Variants in COMMD1 observed in about 807,000 individuals in gnomAD.
COMMD1 encodes the protein copper metabolism domain containing 1.
A neutral mutation model predicts 17.2 loss-of-function variants in COMMD1; 10 were observed. The observed-to-expected ratio is 0.58, with a 90% CI of 0.36 to 0.99. The LOEUF is 0.99. COMMD1 is among the 50% of genes least tolerant of loss of function. The pLI is 0.01. For missense variants in COMMD1, 270 were observed against 231.8 expected (o/e 1.17, Z -1.07); for synonymous variants, 97 against 91.6 (o/e 1.06, Z -0.34).
At chr2:62,114,853 G>A (rs1274901011) in intron 2 of COMMD1, among the ~76,000 whole-genome samples, 2 of 152,186 alleles carry the variant, frequency 1.3e-5, no homozygotes, top group African/African-American at 2.4e-5. Context: ...TAGGAAGATC[G>A]AGGAAGCAGG....
At chr2:62,033,939 A>G (rs112534133) in intron 2 of COMMD1, among the ~76,000 whole-genome samples, 277 of 152,002 alleles carry the variant, frequency 1.8e-3, no homozygotes, top group Non-Finnish European at 3.3e-3. Context: ...GGGAGACCCC[A>G]TTTCTACAAA....
At chr2:61,933,954 G>A (rs1330622570) in intron 1 of COMMD1, among the ~76,000 whole-genome samples, 1 of 151,870 alleles carries the variant, frequency 6.6e-6, no homozygotes, top group Non-Finnish European at 1.5e-5. Flanking sequence ...TAGTAGAGAT[G>A]GGGTTTCTCC....
chr2:62,070,867 C>T (rs1043268944), intron 2 of COMMD1, among the ~76,000 whole-genome samples: 2 of 151,960 alleles, frequency 1.3e-5, no homozygotes, highest in African/African-American at 4.8e-5. Flanking sequence ...CTGTCTCTAC[C>T]AAAAATACAA....
In COMMD1 at chr2:61,927,817, C is replaced by G. The variant is rs796206957; in HGVS notation, c.180+21959C>G. On this transcript the variant is annotated intron_variant, in intron 1 of 2. Coordinates refer to ENST00000311832, the MANE Select transcript of COMMD1 (RefSeq NM_152516.4). Reference sequence around the variant, plus strand: ...TGAGACTGAGTTTCACTCTTGTTGCCCAGGCTGGAGTGCAATGGCTCACTG... The same window carrying G: ...TGAGACTGAGTTTCACTCTTGTTGCGCAGGCTGGAGTGCAATGGCTCACTG... Among the ~76,000 whole-genome samples, 5 of 152,028 alleles carry G rather than the reference C, an allele frequency of 3.3e-5. No homozygotes were observed. The South Asian group carries it at 6.2e-4, about 19-fold the overall frequency.
At chr2:62,022,259 A>T (rs1014013363) in intron 2 of COMMD1, among the ~76,000 whole-genome samples, 1 of 151,890 alleles carries the variant, frequency 6.6e-6, no homozygotes, top group African/African-American at 2.4e-5. Flanking sequence ...AGGTTTTAGG[A>T]GATTTTCTAT....
At chr2:61,966,455 A>G (rs1313397108) in intron 1 of COMMD1, among the ~76,000 whole-genome samples, 5 of 152,174 alleles carry the variant, frequency 3.3e-5, no homozygotes. Flanking sequence ...GTAATACCCA[A>G]TTGAAACACT....
At chr2:62,024,225 G>GT (rs940906004) in intron 2 of COMMD1, among the ~76,000 whole-genome samples, 3 of 151,980 alleles carry the variant, frequency 2.0e-5, no homozygotes, top group Non-Finnish European at 2.9e-5. Context: ...TTTTGTTTTT[G>GT]TTTTTTGTGG....
intron 2 of COMMD1, among the ~76,000 whole-genome samples, chr2:62,092,953 GTTCCA>G (rs951134238): frequency 3.3e-5 from 5 of 152,182 alleles, no homozygotes; most frequent in Non-Finnish European, 7.3e-5. Context: ...CTATTTGTCC[GTTCCA>G]CCAACCCAGA....
chr2:61,999,655 C>T (rs1161105290), intron 1 of COMMD1, among the ~76,000 whole-genome samples: 2 of 152,060 alleles, frequency 1.3e-5, no homozygotes, highest in Non-Finnish European at 2.9e-5. Context: ...ACTCGAACTC[C>T]TGGGCTCCAG....
intron 1 of COMMD1, among the ~76,000 whole-genome samples, chr2:61,999,474 G>A (rs961505864): frequency 1.3e-5 from 2 of 152,174 alleles, no homozygotes; most frequent in African/African-American, 4.8e-5. Flanking sequence ...TTTACTTAGT[G>A]CATCACATGG....
intron 1 of COMMD1, among the ~76,000 whole-genome samples, chr2:61,957,928 G>A (rs1671238690): frequency 6.6e-6 from 1 of 152,146 alleles, no homozygotes; most frequent in South Asian, 2.1e-4. Flanking sequence ...AGTGCCTACA[G>A]TGTGCTTAGT....
chr2:62,089,432 C>T lies in COMMD1; in HGVS notation c.463-46399C>T, dbSNP rs527335418. On this transcript the variant is annotated intron_variant, in intron 2 of 2. Transcript: ENST00000311832. The stretch of plus-strand genomic sequence containing the variant: ...TCCCGAGTAGCTGGGATTACAAGCG[C>T]GCTACCACATCCGGCTAATTTTTGT... Among the ~76,000 whole-genome samples, 11 of 151,896 alleles carry T rather than the reference C, an allele frequency of 7.2e-5. No individual in the cohort carries two copies. In the East Asian group the frequency reaches 1.5e-3, roughly 21 times the overall value.
chr2:62,044,591 C>T (rs1396822564), intron 2 of COMMD1, among the ~76,000 whole-genome samples: 2 of 152,134 alleles, frequency 1.3e-5, no homozygotes, highest in African/African-American at 4.8e-5. Context: ...TTATAAGTAG[C>T]TTATTTGTCT....
intron 2 of COMMD1, among the ~76,000 whole-genome samples, chr2:62,019,131 C>CCCTCCCTCCCTT (rs1243418392): frequency 3.3e-5 from 3 of 91,870 alleles, no homozygotes; most frequent in African/African-American, 1.4e-4. Flanking sequence ...CTCCCTCCCT[C>CCCTCCCTCCCTT]CCTTCCTTCC....
chr2:61,968,490 G>T (rs1671563062), intron 1 of COMMD1, among the ~76,000 whole-genome samples: 1 of 151,282 alleles, frequency 6.6e-6, no homozygotes, highest in Non-Finnish European at 1.5e-5. Context: ...AAGGTGAAAA[G>T]AAAGGACAAA....
At chr2:62,028,400 A>T (rs4671414) in intron 2 of COMMD1, among the ~76,000 whole-genome samples, 92,197 of 151,384 alleles carry the variant, frequency 0.61, 29,226 homozygotes, top group Middle Eastern at 0.74. Flanking sequence ...ATTATTTTTT[A>T]AAAAAATAGT....
At chr2:61,947,437 C>T (rs186559207) in intron 1 of COMMD1, among the ~76,000 whole-genome samples, 1,758 of 152,086 alleles carry the variant, frequency 0.012, 11 homozygotes, top group Middle Eastern at 0.037. Flanking sequence ...AATCCCAGCA[C>T]TTTGGGAGGC....
intron 2 of COMMD1, among the ~76,000 whole-genome samples, chr2:62,060,881 C>T (rs1316772109): frequency 6.6e-6 from 1 of 152,078 alleles, no homozygotes; most frequent in Admixed American, 6.6e-5. Flanking sequence ...ATATGTTTCT[C>T]AGGCTCTGTT....
At chr2:62,089,115 T>A (rs1219947093) in intron 2 of COMMD1, among the ~76,000 whole-genome samples, 1 of 152,146 alleles carries the variant, frequency 6.6e-6, no homozygotes, top group Non-Finnish European at 1.5e-5. Context: ...AGACAATAGA[T>A]GACAAATGTT....
Sources: allele counts gnomAD v4.1 joint callset (sites outside exome capture counted in the v4.1 genomes callset), GRCh38; gene constraint gnomAD v4.1.1; transcripts MANE v1.5; gene names NCBI Gene and HGNC (gene_info 2026-07-23, HGNC 2026-07-21).